Variants in TSEN15 observed in about 807,000 individuals in gnomAD.
TSEN15 encodes the protein tRNA-splicing endonuclease subunit Sen15.
Under a neutral mutation model 20.5 loss-of-function variants are expected in TSEN15, and 10 were observed. That is an observed-to-expected ratio of 0.49 (90% CI 0.30 to 0.83). The LOEUF (loss-of-function observed/expected upper bound fraction) is 0.83. Ranked by LOEUF, TSEN15 falls within the 40% of genes least tolerant of loss-of-function variation. The probability of loss-of-function intolerance (pLI) is 0.06; values close to 1 mark genes in which losing one functional copy is unlikely to be tolerated. For synonymous variants in TSEN15, 72 were observed against 80.1 expected (o/e 0.90, Z 0.54); for missense variants, 180 against 218.6 (o/e 0.82, Z 1.11).
chr1:184,077,746 A>C (rs1388471330), downstream of TSEN15, among the ~76,000 whole-genome samples: 1 of 152,192 alleles, frequency 6.6e-6, no homozygotes, highest in East Asian at 1.9e-4. Context: ...GAGGAAGTTA[A>C]CTGCAGATGT....
chr1:184,074,583 C>T (rs1048080332), downstream of TSEN15, among the ~76,000 whole-genome samples: 1 of 152,120 alleles, frequency 6.6e-6, no homozygotes, highest in African/African-American at 2.4e-5. Context: ...CAAGATGGAC[C>T]TTATAATCCT....
chr1:184,079,625 C>G (rs1651125469), intron 3 of TSEN15, among the ~76,000 whole-genome samples: 1 of 152,158 alleles, frequency 6.6e-6, no homozygotes, highest in Non-Finnish European at 1.5e-5. Flanking sequence ...CTGGCGGCAT[C>G]TTTTCATCTT....
rs780947916 is a variant in TSEN15 at position 184,051,892 on chromosome 1, T to G, written c.135+2T>G. The G allele has an allele frequency of 6.5e-7, 1 of 1,540,294 alleles. No homozygotes were observed. ...GCCTGGATGGGCACTCACCCTAAGG[T>G]CAGGAGGCGCGAGAGGAGCAGGGCG... On this transcript the variant is annotated splice_donor_variant, in intron 1 of 4. Coordinates refer to ENST00000645668, the MANE Select transcript of TSEN15 (RefSeq NM_052965.4). LOFTEE classifies it high-confidence loss of function.
At chr1:184,054,591 C>A (rs1414607112) in intron 2 of TSEN15, 137 bp from the exon 3 acceptor site, 4 of 1,194,104 alleles carry the variant, frequency 3.3e-6, no homozygotes, top group African/African-American at 3.1e-5. Context: ...TACTGAGTAA[C>A]AGAAGCTACT....
intron 3 of TSEN15, 169 bp from the exon 4 acceptor site, chr1:184,071,988 T>G (rs936195690): frequency 1.9e-6 from 1 of 540,082 alleles, no homozygotes; most frequent in Admixed American, 3.7e-5. Flanking sequence ...TGAACTTATT[T>G]GATACTATAC....
intron 3 of TSEN15, among the ~76,000 whole-genome samples, chr1:184,080,797 A>C (rs1651150194): frequency 6.6e-6 from 1 of 152,162 alleles, no homozygotes; most frequent in East Asian, 1.9e-4. Context: ...AAACTTATAA[A>C]TGATCATTGC....
chr1:184,076,213 ATCATT>A (rs1651058840), downstream of TSEN15, among the ~76,000 whole-genome samples: 2 of 152,000 alleles, frequency 1.3e-5, no homozygotes, highest in African/African-American at 4.8e-5. Context: ...TTCCAACATG[ATCATT>A]TCATGTCTTT....
chr1:184,096,809 C>T (rs994072759), exon 4 of TSEN15: 3 of 152,244 alleles, frequency 2.0e-5, no homozygotes, highest in Non-Finnish European at 4.4e-5. Flanking sequence ...CTTATAATAA[C>T]CATCAGCTCT....
At chr1:184,059,223 C>G (rs993605417) in intron 3 of TSEN15, among the ~76,000 whole-genome samples, 3 of 151,982 alleles carry the variant, frequency 2.0e-5, no homozygotes, top group African/African-American at 7.2e-5. Flanking sequence ...TGTCAAAACC[C>G]AGAGGAAGGA....
chr1:184,085,177 A>C lies in TSEN15; in HGVS notation c.354-10513A>C, dbSNP rs147424392. Among the ~76,000 whole-genome samples the C allele has an allele frequency of 7.0e-4, 106 of 152,310 alleles. 1 individual carries two copies. Among genetic ancestry groups the C allele is most frequent in the African/African-American group, 2.4e-3 (99 of 41,562 alleles). ...TAAACTTAGCACAGCACAAAAGCACATTGAAAAGTTCTCTCTAAAAGAGAA... is the reference window on the plus strand; with the variant it reads ...TAAACTTAGCACAGCACAAAAGCACCTTGAAAAGTTCTCTCTAAAAGAGAA... On this transcript the variant is annotated intron_variant, in intron 3 of 3. Transcript: ENST00000643231.
intron 3 of TSEN15, among the ~76,000 whole-genome samples, chr1:184,057,634 A>T (rs1285919109): frequency 6.6e-6 from 1 of 152,122 alleles, no homozygotes; most frequent in Non-Finnish European, 1.5e-5. Context: ...TACATGCAAG[A>T]TCCCTTCTAA....
chr1:184,059,822 T>G (rs1312097940), intron 3 of TSEN15, among the ~76,000 whole-genome samples: 2 of 152,174 alleles, frequency 1.3e-5, no homozygotes, highest in East Asian at 1.9e-4. Flanking sequence ...CTGCCCGCCT[T>G]GGCCTCCCAA....
At chr1:184,068,407 C>T (rs1045138033) in intron 3 of TSEN15, among the ~76,000 whole-genome samples, 2 of 152,164 alleles carry the variant, frequency 1.3e-5, no homozygotes, top group Admixed American at 6.5e-5. Context: ...TGTCATTTGG[C>T]TTCTCTGCAT....
At position 184,064,631 on chromosome 1, in the gene TSEN15, G is replaced by A. The variant is rs147767163; in HGVS notation, c.354-7526G>A. On this transcript the variant is annotated intron_variant, in intron 3 of 4. Transcript: ENST00000645668. ...CTCTTAAGGATTAAGGAAGTCAAAG[G>A]TAAGAGAAAGTTAAATCAAGAGTTT... Among the ~76,000 whole-genome samples the A allele has an allele frequency of 3.1e-3, 465 of 152,266 alleles. 2 individuals carry two copies. Among genetic ancestry groups the A allele is most frequent in the Non-Finnish European group, 5.6e-3 (382 of 68,014 alleles).
chr1:184,096,413 G>A (rs1303780753), exon 4 of TSEN15: 2 of 152,182 alleles, frequency 1.3e-5, no homozygotes, highest in Non-Finnish European at 2.9e-5. Context: ...CAGGTGGTTG[G>A]TTTTAGGAAT....
chr1:184,054,279 T>C, intron 1 of TSEN15, 75 bp from the exon 2 acceptor site: 1 of 922,810 alleles, frequency 1.1e-6, no homozygotes, highest in Non-Finnish European at 1.7e-6. Flanking sequence ...ATATGCTTGA[T>C]GACCACTTGA....
chr1:184,054,235 C>A, intron 1 of TSEN15, 119 bp from the exon 2 acceptor site: 2 of 586,292 alleles, frequency 3.4e-6, no homozygotes, highest in Non-Finnish European at 5.7e-6. Context: ...TGCCTTTTAA[C>A]TTCCACTATA....
chr1:184,079,374 G>A (rs908610478), intron 3 of TSEN15, among the ~76,000 whole-genome samples: 14 of 152,216 alleles, frequency 9.2e-5, no homozygotes, highest in African/African-American at 3.4e-4. Flanking sequence ...TCTTAGCTAG[G>A]ACAACCATTA....
Position 184,083,404 on chromosome 1 carries a change from G to C in TSEN15, c.354-12286G>C, listed in dbSNP as rs75670981. On this transcript the variant is annotated intron_variant, in intron 3 of 3. Transcript: ENST00000643231. ...ATTTATAAACAAAATATATCTGCCT[G>C]ATAAGTTTACTTATTATTTGATTAC... Among the ~76,000 whole-genome samples the C allele has an allele frequency of 3.1e-4, 47 of 152,332 alleles. 2 individuals are homozygous for C. The East Asian group carries it at 8.9e-3, about 29-fold the overall frequency.
Sources: allele counts gnomAD v4.1 joint callset (sites outside exome capture counted in the v4.1 genomes callset), GRCh38; gene constraint gnomAD v4.1.1; transcripts MANE v1.5; gene names NCBI Gene and HGNC (gene_info 2026-07-23, HGNC 2026-07-21).